Variants in NECAB2 observed in about 807,000 individuals in gnomAD.
NECAB2 encodes the protein N-terminal EF-hand calcium binding protein 2, also known as N-terminal EF-hand calcium-binding protein 2.
In NECAB2, 68 loss-of-function variants were observed where a neutral mutation model predicts 51.9. The ratio of observed to expected loss-of-function variants is 1.31; its 90% CI spans 1.08 to 1.60. NECAB2 has a LOEUF of 1.60. NECAB2 is among the 40% of genes most tolerant of loss of function. NECAB2 has a pLI of 0.00. For synonymous variants in NECAB2, 329 were observed against 203.5 expected (o/e 1.62, Z -5.25); for missense variants, 854 against 490.3 (o/e 1.74, Z -7.00).
chr16:83,970,127 C>A (rs1393132278), intron 1 of NECAB2, among the ~76,000 whole-genome samples: 1 of 152,202 alleles, frequency 6.6e-6, no homozygotes, highest in Non-Finnish European at 1.5e-5. Context: ...CCAAGCTGCC[C>A]TGCATGGAAG....
chr16:83,991,476 C>T (rs956191698), intron 6 of NECAB2, among the ~76,000 whole-genome samples: 3 of 150,626 alleles, frequency 2.0e-5, no homozygotes, highest in Middle Eastern at 6.9e-3. Flanking sequence ...AAGCGATTCT[C>T]CTGCCTCAGC....
intron 6 of NECAB2, among the ~76,000 whole-genome samples, chr16:83,992,036 G>C (rs1248691635): frequency 6.6e-6 from 1 of 152,176 alleles, no homozygotes; most frequent in Non-Finnish European, 1.5e-5. Flanking sequence ...CGTAAGTGAA[G>C]TAACTGTAAA....
chr16:83,972,553 C>G (rs1644808671), intron 2 of NECAB2, among the ~76,000 whole-genome samples: 1 of 152,242 alleles, frequency 6.6e-6, no homozygotes, highest in African/African-American at 2.4e-5. Context: ...CAGCCTCACG[C>G]TAGGCCCTTC....
intron 10 of NECAB2, among the ~76,000 whole-genome samples, chr16:84,000,475 C>A (rs1216677002): frequency 6.6e-6 from 1 of 152,104 alleles, no homozygotes; most frequent in East Asian, 1.9e-4. Flanking sequence ...AGAGTGAGAC[C>A]CTATCTCAAA....
chr16:83,984,136 C>T (rs1163813077), intron 5 of NECAB2, among the ~76,000 whole-genome samples: 3 of 151,648 alleles, frequency 2.0e-5, no homozygotes, highest in African/African-American at 4.8e-5. Context: ...GCTGGGACTA[C>T]AGGCGCCCGC....
intron 10 of NECAB2, among the ~76,000 whole-genome samples, chr16:84,000,027 C>T (rs527867007): frequency 9.7e-4 from 147 of 151,620 alleles, no homozygotes; most frequent in Admixed American, 6.6e-4. Flanking sequence ...GCTGGGATTA[C>T]AGGGATGTGC....
chr16:83,968,971 C>T (rs2084319889), intron 1 of NECAB2, 122 bp downstream of exon 1: 7 of 519,362 alleles, frequency 1.3e-5, no homozygotes, highest in Admixed American at 1.2e-4. Flanking sequence ...GCAGGAGACC[C>T]CCGGCCCCTC....
intron 6 of NECAB2, chr16:83,993,620 CTGTGTGTGTGTGTGTGTGTGTG>C (rs57610964): frequency 1.3e-4 from 17 of 135,438 alleles, no homozygotes; most frequent in Middle Eastern, 1.3e-3. Flanking sequence ...GCAAGGTGAG[CTGTGTGTGTGTGTGTGTGTGTG>C]TGTGTGTGTG....
In NECAB2 at chr16:83,987,204, C is replaced by T. The variant is rs34648414; in HGVS notation, c.460-3290C>T. 2.3e-3 allele frequency among the ~76,000 whole-genome samples: 353 copies of T among 152,102 alleles called. 1 individual carries two copies. Among genetic ancestry groups the T allele is most frequent in the Admixed American group, 3.6e-3 (55 of 15,282 alleles). On this transcript the variant is annotated intron_variant, in intron 5 of 12. Transcript: ENST00000305202. ...AGTAAACTTAGAAAAACAAGAAACC[C>T]AAGAGTCATTTTTGCCCATTTCAGA...
At chr16:83,986,124 C>A (rs549706499) in intron 5 of NECAB2, among the ~76,000 whole-genome samples, 1 of 152,148 alleles carries the variant, frequency 6.6e-6, no homozygotes, top group Non-Finnish European at 1.5e-5. Flanking sequence ...TAAAGCGATT[C>A]TTCCACCTCA....
chr16:84,002,473 T>C lies in NECAB2; in HGVS notation c.*127T>C. 1.5e-6 allele frequency: 2 copies of C among 1,311,264 alleles called. No homozygotes were observed. The highest frequency in any genetic ancestry group is 2.2e-6 in the Non-Finnish European group (2 of 921,266). The allele number at this position is 1,311,264 out of a possible 1,614,324, so 81.2% of individuals were successfully genotyped here. On this transcript the variant is annotated 3_prime_UTR_variant, in exon 13 of 13. Transcript: ENST00000305202. ...CAATCCATCCTCCACAAGAAGGTGTTTCCCTGTTGTTAAGTGAAGGAGGCC... is the reference window on the plus strand; with the variant it reads ...CAATCCATCCTCCACAAGAAGGTGTCTCCCTGTTGTTAAGTGAAGGAGGCC...
intron 11 of NECAB2, among the ~76,000 whole-genome samples, 181 bp from the exon 12 acceptor site, chr16:84,001,644 C>T (rs1050642314): frequency 2.0e-5 from 3 of 152,048 alleles, no homozygotes; most frequent in Non-Finnish European, 4.4e-5. Flanking sequence ...AAGCTCACTG[C>T]CCACCCCAGA....
At chr16:83,989,835 T>TC (rs572993316) in intron 5 of NECAB2, among the ~76,000 whole-genome samples, 1 of 152,160 alleles carries the variant, frequency 6.6e-6, no homozygotes, top group Non-Finnish European at 1.5e-5. Context: ...TTTCGTCTTT[T>TC]CCCCAGAGTT....
rs139863929 is a variant in NECAB2 at position 83,997,268 on chromosome 16, T to G, written c.848T>G (p.Met283Arg). The change falls in exon 9 of 13, where the codon ATG (methionine) becomes AGG (arginine). Residue 283 changes from methionine to arginine, a missense_variant and splice_region_variant. By Grantham distance (91) the Met-to-Arg change is moderately conservative (BLOSUM62 -1). Transcript: ENST00000305202. ...CTGTCAGATGAAGATGGCACCAACA[T>G]GGTGAGGCCCCTTCCCACCTCTCTT... Reference protein sequence around the residue: ...QRLSDEDGTNMHLQLVRQEMA... With the variant: ...QRLSDEDGTNRHLQLVRQEMA... 1.5e-4 allele frequency: 237 copies of G among 1,613,960 alleles called. No individual in the cohort carries two copies. The highest frequency in any genetic ancestry group is 1.9e-4 in the Non-Finnish European group (225 of 1,180,002).
At chr16:83,984,754 T>C (rs1318016491) in intron 5 of NECAB2, among the ~76,000 whole-genome samples, 1 of 152,202 alleles carries the variant, frequency 6.6e-6, no homozygotes, top group Non-Finnish European at 1.5e-5. Flanking sequence ...TAAAATGTGC[T>C]GCTGTAGCTC....
At chr16:84,002,066 C>G in intron 12 of NECAB2, 150 bp downstream of exon 12, 1 of 1,047,252 alleles carries the variant, frequency 9.5e-7, no homozygotes, top group Non-Finnish European at 1.4e-6. Flanking sequence ...AGAGCCAGCC[C>G]TGAGGTGGCC....
At chr16:83,988,821 G>A (rs1485533921) in intron 5 of NECAB2, among the ~76,000 whole-genome samples, 2 of 131,500 alleles carry the variant, frequency 1.5e-5, no homozygotes, top group Non-Finnish European at 3.0e-5. Flanking sequence ...CTTGTCTGAG[G>A]CAAGCTCAGT....
At chr16:83,981,154 G>GTCCAGGGC (rs58292318) in intron 5 of NECAB2, 27 bp downstream of exon 5, 219,502 of 1,570,540 alleles carry the variant, frequency 0.14, 29,037 homozygotes, top group African/African-American at 0.69. Context: ...GGCCCCCGGG[G>GTCCAGGGC]TCCAGGGCTC....
intron 5 of NECAB2, among the ~76,000 whole-genome samples, chr16:83,984,026 C>T (rs1221300035): frequency 4.2e-5 from 6 of 141,620 alleles, no homozygotes; most frequent in East Asian, 4.2e-4. Flanking sequence ...GACGGAGTCT[C>T]GCTCTGTCAT....
Sources: allele counts gnomAD v4.1 joint callset (sites outside exome capture counted in the v4.1 genomes callset), GRCh38; gene constraint gnomAD v4.1.1; transcripts MANE v1.5; gene names NCBI Gene and HGNC (gene_info 2026-07-23, HGNC 2026-07-21).